COLEC11: variants seen among roughly 807,000 people sequenced by gnomAD.
COLEC11 encodes collectin subfamily member 11.
COLEC11 carries 20 observed loss-of-function variants against 27.3 expected under a neutral mutation model. That is an observed-to-expected ratio of 0.73 (90% CI 0.51 to 1.06). The LOEUF (loss-of-function observed/expected upper bound fraction) is 1.06. Ranked by LOEUF, COLEC11 falls within the 50% of genes least tolerant of loss-of-function variation. The pLI is 0.00. For synonymous variants in COLEC11, 163 were observed against 154.7 expected, an observed-to-expected ratio of 1.05 and a Z score of -0.40; for missense variants, 310 against 383.0, an observed-to-expected ratio of 0.81 and a Z score of 1.59.
At chr2:3,600,037 C>A (rs563206584) in intron 1 of COLEC11, among the ~76,000 whole-genome samples, 3 of 151,670 alleles carry the variant, frequency 2.0e-5, no homozygotes, top group Admixed American at 6.6e-5. Context: ...AGATGGAGAC[C>A]ATTCTAGCCA....
At chr2:3,616,714 G>A (rs1009832263) in intron 3 of COLEC11, among the ~76,000 whole-genome samples, 2 of 152,198 alleles carry the variant, frequency 1.3e-5, no homozygotes, top group Non-Finnish European at 2.9e-5. Flanking sequence ...CAGCAGTACA[G>A]TCCAGCTTCG....
intron 3 of COLEC11, among the ~76,000 whole-genome samples, chr2:3,621,445 C>T (rs917669813): frequency 6.6e-6 from 1 of 152,138 alleles, no homozygotes; most frequent in African/African-American, 2.4e-5. Flanking sequence ...CTTTTGTAGG[C>T]AGTGTATATA....
rs545129835 is a variant in COLEC11 at position 3,643,797 on chromosome 2, C to G, written c.495C>G (p.Asp165Glu). Residue 165 changes from aspartate (D) to glutamate (E), a missense_variant, in exon 7 of 7, where the codon GAC (aspartate) becomes GAG (glutamate). By Grantham distance (45) the Asp-to-Glu change is conservative. Coordinates refer to ENST00000349077, the MANE Select transcript of COLEC11 (RefSeq NM_024027.5). ...LLVKEEKRYADAQLSCQGRGG... is the reference protein window; with the variant it reads ...LLVKEEKRYAEAQLSCQGRGG... The stretch of plus-strand genomic sequence containing the variant: ...TGAAGGAGGAGAAGCGCTACGCGGA[C>G]GCCCAGCTGTCCTGCCAGGGCCGCG... 271 of 1,613,546 alleles carry G rather than the reference C, an allele frequency of 1.7e-4. 1 individual carries two copies. In the South Asian group the frequency reaches 2.8e-3, roughly 17 times the overall value.
chr2:3,599,931 G>C (rs768772119), intron 1 of COLEC11, among the ~76,000 whole-genome samples: 1 of 152,232 alleles, frequency 6.6e-6, no homozygotes, highest in Non-Finnish European at 1.5e-5. Context: ...ACTGTGCTGT[G>C]ATATCTTATA....
At chr2:3,598,142 G>C (rs1661984743) in intron 1 of COLEC11, among the ~76,000 whole-genome samples, 1 of 152,078 alleles carries the variant, frequency 6.6e-6, no homozygotes, top group African/African-American at 2.4e-5. Flanking sequence ...CACCATGTTG[G>C]CCAGGCTGGT....
At chr2:3,637,659 T>C (rs1665531516) in intron 4 of COLEC11, 55 bp downstream of exon 4, 1 of 1,324,070 alleles carries the variant, frequency 7.6e-7, no homozygotes, top group Non-Finnish European at 1.1e-6. Context: ...GGTCAGCGTC[T>C]GGATACCCTG....
intron 2 of COLEC11, 142 bp from the exon 3 acceptor site, chr2:3,613,169 G>T (rs985888129): frequency 1.2e-6 from 1 of 843,576 alleles, no homozygotes; most frequent in East Asian, 2.7e-5. Context: ...GGCTGCAGGC[G>T]GGGAGGGAGG....
At chr2:3,630,416 G>A (rs916698756) in intron 3 of COLEC11, among the ~76,000 whole-genome samples, 2 of 152,220 alleles carry the variant, frequency 1.3e-5, no homozygotes, top group African/African-American at 2.4e-5. Flanking sequence ...ACTTTTGTAA[G>A]TAATTACACC....
At position 3,643,530 on chromosome 2, in the gene COLEC11, A is replaced by C. The variant is rs370358651; in HGVS notation, c.415A>C (p.Ile139Leu). The C allele has an allele frequency of 1.3e-5, 21 of 1,613,582 alleles. No homozygotes were observed. The highest frequency in any genetic ancestry group is 1.4e-5 in the Non-Finnish European group (16 of 1,179,838). Reference protein sequence around the residue: ...VSQLTSELKFIKNAVAGVRET... With the variant: ...VSQLTSELKFLKNAVAGVRET... ...TCAGCTGACCAGCGAGCTCAAGTTCATCAAGAATGGTATGTGGCTCCCGGC... is the reference window on the plus strand; with the variant it reads ...TCAGCTGACCAGCGAGCTCAAGTTCCTCAAGAATGGTATGTGGCTCCCGGC... The change falls in exon 6 of 7, where the codon ATC (isoleucine) becomes CTC (leucine). Residue 139 changes from isoleucine to leucine, a missense_variant. Physicochemically the swap from Ile to Leu is conservative, Grantham distance 5. Transcript: ENST00000349077.
At chr2:3,638,788 C>G (rs1477894201) in intron 4 of COLEC11, among the ~76,000 whole-genome samples, 2 of 152,224 alleles carry the variant, frequency 1.3e-5, no homozygotes, top group Non-Finnish European at 2.9e-5. Flanking sequence ...GCGTGGGCTT[C>G]ACAAACCCAA....
intron 3 of COLEC11, among the ~76,000 whole-genome samples, chr2:3,622,143 T>G (rs575218238): frequency 6.8e-6 from 1 of 146,570 alleles, no homozygotes; most frequent in South Asian, 2.1e-4. Flanking sequence ...CGCTCCAGCC[T>G]GGGCGACAGA....
rs112004947 is a variant in COLEC11, at chr2:3,605,645, C to G, written c.130+1175C>G. The stretch of plus-strand genomic sequence containing the variant: ...TGACCTTTTGCAACCTGAATCCGGT[C>G]CGCCCCCTCCTCATCCGCGGTCCGC... On this transcript the variant is annotated intron_variant, in intron 2 of 6. Transcript: ENST00000349077. 1.5e-3 allele frequency: 285 copies of G among 192,780 alleles called. 1 individual carries two copies. Among genetic ancestry groups the G allele is most frequent in the African/African-American group, 6.5e-3 (273 of 42,012 alleles). 11.9% of individuals were successfully genotyped at this position (192,780 alleles called of 1,614,324 possible). A position where few individuals can be genotyped will look rare whatever the true frequency, so the allele number is the denominator to read the frequency against.
At chr2:3,617,701 G>A in intron 3 of COLEC11, 1 of 1,601,158 alleles carries the variant, frequency 6.2e-7, no homozygotes, top group African/African-American at 1.3e-5. Flanking sequence ...AGGAAAAGCG[G>A]AGCGAGGCGT....
chr2:3,621,105 A>G (rs1360064221), intron 3 of COLEC11, among the ~76,000 whole-genome samples: 1 of 152,146 alleles, frequency 6.6e-6, no homozygotes, highest in Non-Finnish European at 1.5e-5. Flanking sequence ...TGATCTTTCC[A>G]TTGTTGAAAG....
At chr2:3,632,354 C>T (rs898719165) in intron 3 of COLEC11, among the ~76,000 whole-genome samples, 28 of 152,300 alleles carry the variant, frequency 1.8e-4, no homozygotes, top group African/African-American at 6.3e-4. Flanking sequence ...TACCACACAG[C>T]GGGCAGCTTC....
chr2:3,635,047 G>T (rs2147947311), intron 3 of COLEC11, among the ~76,000 whole-genome samples: 1 of 139,186 alleles, frequency 7.2e-6, no homozygotes, highest in East Asian at 2.1e-4. Flanking sequence ...GTGCCCTCCT[G>T]GCCCTTGTCA....
At position 3,628,923 on chromosome 2, in the gene COLEC11, C is replaced by T. The variant is rs1199290460; in HGVS notation, c.203-8610C>T. On this transcript the variant is annotated intron_variant, in intron 3 of 6. Coordinates refer to ENST00000349077, the MANE Select transcript of COLEC11 (RefSeq NM_024027.5). ...GCTGTGGCGTTCGTGCCCAGTGTGC[C>T]GGGTGCCACAGCCAGAAGCTCCTAT... 3.9e-5 allele frequency among the ~76,000 whole-genome samples: 6 copies of T among 152,146 alleles called. No individual in the cohort carries two copies. In the East Asian group the frequency reaches 5.8e-4, roughly 15 times the overall value.
In COLEC11 at chr2:3,617,742, T is replaced by C. The variant is rs1016032299; in HGVS notation, c.202+4360T>C. Reference sequence around the variant, plus strand: ...AACGAGAGAAGTCTGGTCTGCGCAGTGGCCACCACTGAGTTGTCGCTTTTG... The same window carrying C: ...AACGAGAGAAGTCTGGTCTGCGCAGCGGCCACCACTGAGTTGTCGCTTTTG... On this transcript the variant is annotated intron_variant, in intron 3 of 6. Coordinates refer to ENST00000349077, the MANE Select transcript of COLEC11 (RefSeq NM_024027.5). 32 of 1,305,848 alleles carry C rather than the reference T, an allele frequency of 2.5e-5. No individual in the cohort carries two copies. In the African/African-American group the frequency reaches 3.7e-4, roughly 15 times the overall value. 80.9% of individuals were successfully genotyped at this position (1,305,848 alleles called of 1,614,324 possible). A position where few individuals can be genotyped will look rare whatever the true frequency, so the allele number is the denominator to read the frequency against.
chr2:3,626,849 G>A, intron 3 of COLEC11, among the ~76,000 whole-genome samples: 1 of 152,186 alleles, frequency 6.6e-6, no homozygotes, highest in African/African-American at 2.4e-5. Context: ...GACACCCTGG[G>A]CGCTCTGCCT....
Sources: allele counts gnomAD v4.1 joint callset (sites outside exome capture counted in the v4.1 genomes callset), GRCh38; gene constraint gnomAD v4.1.1; transcripts MANE v1.5; gene names NCBI Gene and HGNC (gene_info 2026-07-23, HGNC 2026-07-21).